NLRP7: variants seen among roughly 807,000 people sequenced by gnomAD.
NLRP7 encodes the protein NACHT, LRR and PYD domains-containing protein 7.
NLRP7 carries 72 observed loss-of-function variants against 85.5 expected under a neutral mutation model. The observed-to-expected ratio is 0.84, with a 90% confidence interval of 0.70 to 1.02. The LOEUF is 1.02. NLRP7 is among the 50% of genes least tolerant of loss of function. NLRP7 has a pLI of 0.00. For synonymous variants in NLRP7, 550 were observed against 505.2 expected (o/e 1.09, Z -1.19); for missense variants, 1,243 against 1,219.5 (o/e 1.02, Z -0.29).
intron 1 of NLRP7, among the ~76,000 whole-genome samples, chr19:54,961,974 A>G (rs1288490683): frequency 4.6e-5 from 7 of 150,982 alleles, no homozygotes; most frequent in Admixed American, 6.6e-5. Context: ...GCCTGGCCAA[A>G]AGGGTATGGT....
intron 1 of NLRP7, among the ~76,000 whole-genome samples, chr19:54,958,841 A>G (rs956942329): frequency 1.3e-5 from 2 of 152,142 alleles, no homozygotes; most frequent in Non-Finnish European, 2.9e-5. Flanking sequence ...GTCCCTTTTA[A>G]GGGCTCACAA....
At chr19:54,935,945 C>T (rs901411746) in intron 6 of NLRP7, among the ~76,000 whole-genome samples, 6 of 152,062 alleles carry the variant, frequency 3.9e-5, no homozygotes, top group Admixed American at 2.6e-4. Context: ...AACCGGCCCG[C>T]GGTGCAGAAA....
chr19:54,964,229 T>C (rs2070201754), intron 1 of NLRP7, among the ~76,000 whole-genome samples: 1 of 136,590 alleles, frequency 7.3e-6, no homozygotes, highest in Admixed American at 7.4e-5. Flanking sequence ...TTTTTTTTTT[T>C]TTTTTGAGAT....
intron 1 of NLRP7, among the ~76,000 whole-genome samples, chr19:54,962,289 C>CA (rs1335929007): frequency 1.5e-5 from 2 of 134,208 alleles, no homozygotes; most frequent in Non-Finnish European, 3.1e-5. Flanking sequence ...TTTTTTGAGA[C>CA]AGAGTTTCGC....
At chr19:54,940,441 T>A in exon 4 of NLRP7, 1 of 1,614,044 alleles carries the variant, frequency 6.2e-7, no homozygotes, top group Non-Finnish European at 8.5e-7. Flanking sequence ...GTTTCTCCAT[T>A]GAATTTCTCC....
chr19:54,953,807 C>G (rs933504703), intron 1 of NLRP7, among the ~76,000 whole-genome samples: 2 of 150,886 alleles, frequency 1.3e-5, no homozygotes, highest in African/African-American at 4.9e-5. Flanking sequence ...TTGAGACCAT[C>G]CTGGCTAACA....
At chr19:54,929,251 C>T (rs1482892929) in intron 9 of NLRP7, among the ~76,000 whole-genome samples, 1 of 152,006 alleles carries the variant, frequency 6.6e-6, no homozygotes, top group Non-Finnish European at 1.5e-5. Flanking sequence ...CGCCTGTAAT[C>T]CCAACTACTC....
intron 1 of NLRP7, among the ~76,000 whole-genome samples, chr19:54,943,630 T>C (rs1376825145): frequency 6.6e-6 from 1 of 151,908 alleles, no homozygotes; most frequent in Non-Finnish European, 1.5e-5. Context: ...AGAGGCAGCC[T>C]GGAAAATAAA....
chr19:54,953,954 C>T (rs1006682321), intron 1 of NLRP7, among the ~76,000 whole-genome samples: 3 of 151,672 alleles, frequency 2.0e-5, no homozygotes, highest in Admixed American at 6.6e-5. Context: ...TTGCAGTGAG[C>T]GGAGATCGCG....
chr19:54,964,573 A>C (rs1453781226), intron 1 of NLRP7, among the ~76,000 whole-genome samples: 4 of 151,864 alleles, frequency 2.6e-5, no homozygotes, highest in Admixed American at 2.6e-4. Context: ...CTGTAATCCC[A>C]GCACTTTAGG....
At chr19:54,936,302 A>G in exon 6 of NLRP7, 1 of 1,614,006 alleles carries the variant, frequency 6.2e-7, no homozygotes, top group South Asian at 1.1e-5. Context: ...TGAGCAGGTC[A>G]CACAGCATCA....
intron 9 of NLRP7, among the ~76,000 whole-genome samples, chr19:54,929,691 C>T (rs1368446583): frequency 6.6e-6 from 1 of 152,106 alleles, no homozygotes; most frequent in African/African-American, 2.4e-5. Context: ...CACTGGGGGC[C>T]ATTGTTATAT....
chr19:54,926,207 T>G (rs975350936), intron 9 of NLRP7, among the ~76,000 whole-genome samples: 37 of 129,062 alleles, frequency 2.9e-4, no homozygotes, highest in Non-Finnish European at 4.4e-4. Flanking sequence ...TGATTAGGGG[T>G]GTGTGTGTGT....
upstream of NLRP7, chr19:54,947,728 C>A (rs984689663): frequency 9.3e-7 from 1 of 1,072,218 alleles, no homozygotes; most frequent in African/African-American, 1.6e-5. Flanking sequence ...TGCTGAATCT[C>A]CCCAGGTGAG....
At chr19:54,948,511 T>C (rs567714556), upstream of NLRP7, among the ~76,000 whole-genome samples, 9 of 152,168 alleles carry the variant, frequency 5.9e-5, no homozygotes, top group East Asian at 1.2e-3. Context: ...TGACTGGCCA[T>C]CTCACTCCAG....
rs2070203204 is a variant in NLRP7, at chr19:54,964,234, T to TCC, written c.-77+1805_-77+1806insGG. Among the ~76,000 whole-genome samples the TCC allele has an allele frequency of 9.8e-5, 6 of 61,258 alleles. No individual in the cohort carries two copies. In the South Asian group the frequency reaches 3.7e-3, roughly 37 times the overall value. 40.2% of individuals were successfully genotyped at this position (61,258 alleles called of 152,430 possible). On this transcript the variant is annotated intron_variant, in intron 1 of 2. Coordinates refer to the NLRP7 transcript ENST00000587103. ...GTGTTTTTTTTTTTTTTTTTTTTTT[T>TCC]GAGATGGAGCCTTGCTCTGTCGCCC...
At chr19:54,943,227 T>C (rs946576864) in intron 1 of NLRP7, among the ~76,000 whole-genome samples, 3 of 151,714 alleles carry the variant, frequency 2.0e-5, no homozygotes, top group African/African-American at 7.3e-5. Flanking sequence ...GGAGGATTGT[T>C]TGAGCCTACG....
intron 1 of NLRP7, among the ~76,000 whole-genome samples, chr19:54,943,736 T>C (rs2069345356): frequency 6.6e-6 from 1 of 152,038 alleles, no homozygotes; most frequent in African/African-American, 2.4e-5. Context: ...AGCTGTGACG[T>C]GTGGGGAAAA....
At chr19:54,926,741 C>A (rs1005753717) in intron 9 of NLRP7, among the ~76,000 whole-genome samples, 1 of 151,760 alleles carries the variant, frequency 6.6e-6, no homozygotes, top group Non-Finnish European at 1.5e-5. Context: ...CATGGCAAAA[C>A]CCCATCTCTA....
Sources: gnomAD v4.1 joint callset for allele counts (sites outside exome capture counted in the v4.1 genomes callset) on GRCh38, gnomAD v4.1.1 for gene constraint, MANE v1.5 for transcripts, NCBI Gene and HGNC (gene_info 2026-07-23, HGNC 2026-07-21) for gene names.